Variants in PSG4 observed in about 807,000 individuals in gnomAD.
PSG4 encodes the protein pregnancy specific beta-1-glycoprotein 4.
Under a neutral mutation model 44.3 loss-of-function variants are expected in PSG4, and 61 were observed. The ratio of observed to expected loss-of-function variants is 1.38; its 90% CI spans 1.12 to 1.70. The LOEUF is 1.70. Among genes scored for constraint, PSG4 ranks in the 40% most tolerant of loss-of-function variants. The pLI is 0.00. For synonymous variants in PSG4, 248 were observed against 191.3 expected, an observed-to-expected ratio of 1.30 and a Z score of -2.45; for missense variants, 677 against 511.7, an observed-to-expected ratio of 1.32 and a Z score of -3.12.
In PSG4 at chr19:43,194,437, G is replaced by A; in HGVS notation, c.1146C>T (p.Pro382=). 1.2e-6 allele frequency: 2 copies of A among 1,612,360 alleles called. No homozygotes were observed. The highest frequency in any genetic ancestry group is 1.7e-6 in the Non-Finnish European group (2 of 1,179,086). ...GCCCACTATGCTTTGTAGTTATTTG[G>A]GGGATAGAGAGCTTTTGTCCTGATA... is the stretch of plus-strand genomic sequence containing the variant. The part of the protein sequence containing the change: ...FQLSGQKLSI[P]QITTKHSGLY... Residue 382 remains proline, a synonymous_variant, in exon 5 of 6, where the codon CCC becomes CCT. Transcript: ENST00000405312.
At chr19:43,197,505 T>G (rs1967301695) in intron 3 of PSG4, among the ~76,000 whole-genome samples, 1 of 142,662 alleles carries the variant, frequency 7.0e-6, no homozygotes, top group Non-Finnish European at 1.5e-5. Flanking sequence ...GCTCTGCCAG[T>G]GGGTGAGAGT....
chr19:43,198,601 G>T (rs1448136508), intron 2 of PSG4: 3 of 341,772 alleles, frequency 8.8e-6, no homozygotes, highest in Non-Finnish European at 1.0e-5. Context: ...GACCCACCTT[G>T]TGGTCCTCAC....
intron 1 of PSG4, among the ~76,000 whole-genome samples, chr19:43,205,111 C>CTTTTTTCTTTTT (rs1967717514): frequency 1.1e-5 from 1 of 90,852 alleles, no homozygotes; most frequent in Non-Finnish European, 1.9e-5. Context: ...TTCCTTTTTT[C>CTTTTTTCTTTTT]TTTTTTTTTT....
chr19:43,202,371 G>C (rs1269717507), intron 2 of PSG4, among the ~76,000 whole-genome samples: 2 of 144,454 alleles, frequency 1.4e-5, no homozygotes, highest in Non-Finnish European at 3.0e-5. Flanking sequence ...TACATGAGGT[G>C]GGGTGGCTTT....
chr19:43,193,763 A>G (rs1175763784), intron 5 of PSG4: 1 of 531,862 alleles, frequency 1.9e-6, no homozygotes, highest in Non-Finnish European at 3.4e-6. Context: ...ATATTCTTGA[A>G]TATAACATCC....
intron 2 of PSG4, among the ~76,000 whole-genome samples, chr19:43,199,607 G>A (rs1374586299): frequency 2.1e-5 from 3 of 145,218 alleles, no homozygotes; most frequent in African/African-American, 5.3e-5. Flanking sequence ...TGAGTTTTGA[G>A]CATTTCAGAT....
rs780884676 is a variant in PSG4 at position 43,203,996 on chromosome 19, A to G, written c.320T>C (p.Leu107Pro). 7 of 1,588,034 alleles carry G rather than the reference A, an allele frequency of 4.4e-6. No homozygotes were observed. The highest frequency in any genetic ancestry group is 5.1e-6 in the Non-Finnish European group (6 of 1,171,758). ...CTCCTGCGTGACATTCTGGATCAGC[A>G]GGGATGCATTGGAATATACTCTTTC... The part of the protein sequence containing the change: ...GRERVYSNAS[L>P]LIQNVTQEDA... Residue 107 changes from leucine to proline, a missense_variant, in exon 2 of 6, where the codon CTG becomes CCG. By Grantham distance (98) the Leu-to-Pro change is moderately conservative. Transcript: ENST00000405312.
rs536910761 is a variant in PSG4, at chr19:43,203,853, C to G, written c.430+33G>C. The G allele has an allele frequency of 4.5e-6, 7 of 1,569,240 alleles. No homozygotes were observed. The Middle Eastern group carries it at 1.2e-3, about 266-fold the overall frequency. On this transcript the variant is annotated intron_variant, in intron 2 of 5. Transcript: ENST00000405312. ...TGTGAAGTAGAAGTGACCCCTGTCCCCCAACACCCAGGGATCATGTGGAAT... is the reference window on the plus strand; with the variant it reads ...TGTGAAGTAGAAGTGACCCCTGTCCGCCAACACCCAGGGATCATGTGGAAT...
chr19:43,197,286 T>A (rs184737400), intron 3 of PSG4, among the ~76,000 whole-genome samples: 1 of 145,544 alleles, frequency 6.9e-6, no homozygotes, highest in South Asian at 2.2e-4. Context: ...TTTTCCCTGA[T>A]AGCTAGATAG....
At position 43,205,465 on chromosome 19, in the gene PSG4, C is replaced by G; in HGVS notation, c.64+8G>C. ...CTCCTGTCCTCTCCCAGGAAGTTCTCTCCTCACCTGTGAGCAGGACCCCCT... is the reference window on the plus strand; with the variant it reads ...CTCCTGTCCTCTCCCAGGAAGTTCTGTCCTCACCTGTGAGCAGGACCCCCT... On this transcript the variant is annotated splice_region_variant and intron_variant, in intron 1 of 5. Coordinates refer to ENST00000405312, the MANE Select transcript of PSG4 (RefSeq NM_002780.5). 4 of 1,539,234 alleles carry G rather than the reference C, an allele frequency of 2.6e-6. 1 individual carries two copies. Among genetic ancestry groups the G allele is most frequent in the South Asian group, 1.1e-5 (1 of 89,022 alleles).
chr19:43,200,921 G>C (rs1967481199), intron 2 of PSG4, among the ~76,000 whole-genome samples: 1 of 146,084 alleles, frequency 6.8e-6, no homozygotes, highest in African/African-American at 2.6e-5. Flanking sequence ...TGTTAGAACG[G>C]AGTCACAAAT....
In PSG4 at chr19:43,202,453, A is replaced by G. The variant is rs190607571; in HGVS notation, c.430+1433T>C. Among the ~76,000 whole-genome samples, 549 of 144,642 alleles carry G rather than the reference A, an allele frequency of 3.8e-3. 75 individuals are homozygous for G. The highest frequency in any genetic ancestry group is 0.014 in the African/African-American group (542 of 37,420). The allele number at this position is 144,642 out of a possible 152,430, so 94.9% of individuals were successfully genotyped here. A position where few individuals can be genotyped will look rare whatever the true frequency, so the allele number is the denominator to read the frequency against. ...AAGGACAAGGGACAGGTGTGGCTAG[A>G]ACCTCCTATGATTCTGCATCCAACA... On this transcript the variant is annotated intron_variant, in intron 2 of 5. Transcript: ENST00000405312.
At chr19:43,194,818 A>G (rs1181718144) in intron 4 of PSG4, 177 bp downstream of exon 4, 4 of 1,443,340 alleles carry the variant, frequency 2.8e-6, no homozygotes, top group Non-Finnish European at 3.7e-6. Context: ...CTCCCCTTAT[A>G]TTCTTGGTTA....
At chr19:43,197,707 C>G in intron 3 of PSG4, 1 of 569,902 alleles carries the variant, frequency 1.8e-6, no homozygotes, top group Non-Finnish European at 2.8e-6. Flanking sequence ...ACTGAAGTCC[C>G]AGCCAAATCC....
At chr19:43,204,867 T>C (rs745590326) in intron 1 of PSG4, 1 of 413,440 alleles carries the variant, frequency 2.4e-6, no homozygotes, top group South Asian at 1.8e-5. Flanking sequence ...CTGAGGACAG[T>C]GTTTCATGTC....
Position 43,205,593 on chromosome 19 carries a change from T to G in PSG4, c.-57A>C, listed in dbSNP as rs902106129. 2,540 of 1,476,616 alleles carry G rather than the reference T, an allele frequency of 1.7e-3. 126 individuals carry two copies. The highest frequency in any genetic ancestry group is 2.0e-3 in the Non-Finnish European group (2,178 of 1,100,534). The allele number at this position is 1,476,616 out of a possible 1,614,324, so 91.5% of individuals were successfully genotyped here. A position where few individuals can be genotyped will look rare whatever the true frequency, so the allele number is the denominator to read the frequency against. ...GAGATAAGCCTAGGATCCAGAAGCTTCCTGAGTACGGCTGTCAGCTGTGCT... is the reference window on the plus strand; with the variant it reads ...GAGATAAGCCTAGGATCCAGAAGCTGCCTGAGTACGGCTGTCAGCTGTGCT... On this transcript the variant is annotated 5_prime_UTR_variant, in exon 1 of 6. Coordinates refer to ENST00000405312, the MANE Select transcript of PSG4 (RefSeq NM_002780.5).
chr19:43,205,091 TTTTC>T (rs1468770324), intron 1 of PSG4: 1 of 166,548 alleles, frequency 6.0e-6, no homozygotes, highest in Non-Finnish European at 1.0e-5. Context: ...TTTTCTTCTT[TTTTC>T]TTTTTTTCCT....
chr19:43,202,687 G>A (rs1367073664), intron 2 of PSG4, among the ~76,000 whole-genome samples: 1 of 144,314 alleles, frequency 6.9e-6, no homozygotes, highest in Non-Finnish European at 1.5e-5. Flanking sequence ...AGTGATGGGG[G>A]TTAAGATCTG....
chr19:43,198,134 T>A lies in PSG4; in HGVS notation c.572A>T (p.His191Leu). 6.3e-7 allele frequency: 1 copy of A among 1,587,866 alleles called. No homozygotes were observed. Among genetic ancestry groups the A allele is most frequent in the Non-Finnish European group, 8.5e-7 (1 of 1,171,920 alleles). The stretch of plus-strand genomic sequence containing the variant: ...GTTGGTTTTGGACAGCTGCAACCTG[T>A]GAGTCATAGGGAGGCTCTGACCATT... The part of the protein sequence containing the change: ...WMNGQSLPMT[H>L]RLQLSKTNRT... The change falls in exon 3 of 6, where the codon CAC (histidine) becomes CTC (leucine). Residue 191 changes from histidine to leucine, a missense_variant. Coordinates refer to ENST00000405312, the MANE Select transcript of PSG4 (RefSeq NM_002780.5).
Sources: gnomAD v4.1 joint callset for allele counts (sites outside exome capture counted in the v4.1 genomes callset) on GRCh38, gnomAD v4.1.1 for gene constraint, MANE v1.5 for transcripts, NCBI Gene and HGNC (gene_info 2026-07-23, HGNC 2026-07-21) for gene names.